HMGXB3: variants seen among roughly 807,000 people sequenced by gnomAD.
HMGXB3 encodes HMG domain-containing protein 3.
HMGXB3 carries 45 observed loss-of-function variants against 121.5 expected under a neutral mutation model. The observed-to-expected ratio is 0.37, with a 90% CI of 0.29 to 0.47. HMGXB3 has a LOEUF of 0.47. Among genes scored for constraint, HMGXB3 ranks in the 20% least tolerant of loss-of-function variants. The pLI, the probability that HMGXB3 is intolerant of heterozygous loss-of-function variation, is 0.99. For synonymous variants in HMGXB3, 590 were observed against 624.1 expected, an observed-to-expected ratio of 0.95 and a Z score of 0.81; for missense variants, 1,376 against 1,602.2, an observed-to-expected ratio of 0.86 and a Z score of 2.41.
At chr5:150,018,798 A>G (rs1237823184) in intron 6 of HMGXB3, 101 bp downstream of exon 6, 2 of 1,085,012 alleles carry the variant, frequency 1.8e-6, no homozygotes, top group Non-Finnish European at 2.6e-6. Flanking sequence ...ATTTGTTTTT[A>G]CTGTCTGACT....
rs1478441656 is a variant in HMGXB3, at chr5:150,024,537, T to G, written c.1317T>G (p.Thr439=). 1.3e-6 allele frequency: 2 copies of G among 1,551,710 alleles called. No individual in the cohort carries two copies. Among genetic ancestry groups the G allele is most frequent in the Non-Finnish European group, 1.7e-6 (2 of 1,146,996 alleles). The change falls in exon 7 of 20, where the codon ACT becomes ACG. Residue 439 remains threonine (T), a synonymous_variant. Coordinates refer to ENST00000502717, the MANE Select transcript of HMGXB3 (RefSeq NM_014983.3). ...CCGGGAATTGTGGTACAGCAGTCAC[T>G]AAGACGCCAGTCGTCAAAAGTGGTG... The part of the protein sequence containing the change: ...EAPGNCGTAV[T]KTPVVKSGVQ...
At chr5:150,011,149 C>A (rs542339169) in intron 4 of HMGXB3, among the ~76,000 whole-genome samples, 11 of 152,294 alleles carry the variant, frequency 7.2e-5, no homozygotes, top group African/African-American at 2.4e-4. Flanking sequence ...AATTTTCACA[C>A]AAGACCTGTA....
Position 150,052,066 on chromosome 5 carries a change from T to C in HMGXB3, c.3753T>C (p.Ile1251=), listed in dbSNP as rs373724652. The C allele has an allele frequency of 1.7e-5, 26 of 1,551,792 alleles. No homozygotes were observed. The highest frequency in any genetic ancestry group is 2.1e-5 in the Non-Finnish European group (24 of 1,147,050). The stretch of plus-strand genomic sequence containing the variant: ...TTGTCAATCGTCAGATCCATGACAT[T>C]GTACAGAGCTGCCAGCCTGGTGAGG... ...REIVNRQIHD[I]VQSCQPGEVV... Residue 1251 remains isoleucine, a synonymous_variant, in exon 20 of 20, where the codon ATT becomes ATC. Transcript: ENST00000502717.
intron 11 of HMGXB3, among the ~76,000 whole-genome samples, chr5:150,034,532 A>G (rs1223312214): frequency 6.6e-6 from 1 of 152,086 alleles, no homozygotes; most frequent in Non-Finnish European, 1.5e-5. Flanking sequence ...GACATAGGAA[A>G]TTATCTAGGG....
chr5:150,008,055 T>TCTCACACACA (rs1356226878), intron 3 of HMGXB3, among the ~76,000 whole-genome samples: 55 of 130,112 alleles, frequency 4.2e-4, no homozygotes, highest in African/African-American at 1.6e-3. Context: ...AGACTCTGTT[T>TCTCACACACA]CACACACACA....
chr5:150,050,513 G>T, intron 19 of HMGXB3, 52 bp downstream of exon 19: 1 of 1,397,072 alleles, frequency 7.2e-7, no homozygotes, highest in African/African-American at 1.4e-5. Flanking sequence ...ACCATGTCTT[G>T]CTCTGTCACC....
In HMGXB3 at chr5:150,052,363, T is replaced by C. The variant is rs1373655821; in HGVS notation, c.*171T>C. 3.2e-6 allele frequency: 2 copies of C among 619,564 alleles called. No individual in the cohort carries two copies. The highest frequency in any genetic ancestry group is 1.8e-5 in the African/African-American group (1 of 54,386). The allele number at this position is 619,564 out of a possible 1,614,324, so 38.4% of individuals were successfully genotyped here. On this transcript the variant is annotated 3_prime_UTR_variant, in exon 20 of 20. Transcript: ENST00000502717. ...CTGAGCATGGTGGGACCCAGGGTCCTCAGTTCTCAACCCTCCAGGGGTCAG... is the reference window on the plus strand; with the variant it reads ...CTGAGCATGGTGGGACCCAGGGTCCCCAGTTCTCAACCCTCCAGGGGTCAG...
chr5:150,035,056 T>A (rs1458877952), intron 11 of HMGXB3, among the ~76,000 whole-genome samples: 1 of 152,166 alleles, frequency 6.6e-6, no homozygotes, highest in Non-Finnish European at 1.5e-5. Flanking sequence ...TACAGTCTAG[T>A]GGGAGAGAAA....
intron 6 of HMGXB3, among the ~76,000 whole-genome samples, chr5:150,021,025 T>C (rs569918593): frequency 6.6e-6 from 1 of 152,278 alleles, no homozygotes; most frequent in East Asian, 1.9e-4. Flanking sequence ...GTGTGAGCCA[T>C]GGTGCCCAGC....
intron 15 of HMGXB3, among the ~76,000 whole-genome samples, chr5:150,042,878 A>T (rs777345310): frequency 6.6e-6 from 1 of 152,248 alleles, no homozygotes; most frequent in Non-Finnish European, 1.5e-5. Context: ...AAAAGTGGGC[A>T]TGTTTCCCCA....
At chr5:150,018,888 C>T (rs1368122671) in intron 6 of HMGXB3, among the ~76,000 whole-genome samples, 191 bp downstream of exon 6, 3 of 152,182 alleles carry the variant, frequency 2.0e-5, no homozygotes, top group Non-Finnish European at 4.4e-5. Context: ...TATCCAAACT[C>T]ATATACCATC....
chr5:150,049,114 C>T (rs994498082), intron 18 of HMGXB3, among the ~76,000 whole-genome samples: 8 of 152,136 alleles, frequency 5.3e-5, no homozygotes, highest in African/African-American at 1.9e-4. Context: ...TAGGGAGGAG[C>T]CCATTGGTAA....
chr5:150,045,819 A>G, intron 16 of HMGXB3, 134 bp downstream of exon 16: 1 of 681,536 alleles, frequency 1.5e-6, no homozygotes. Context: ...GAAAGATAAT[A>G]ACAGCCCGTG....
At chr5:150,042,486 A>G (rs956595195) in intron 15 of HMGXB3, among the ~76,000 whole-genome samples, 2 of 152,120 alleles carry the variant, frequency 1.3e-5, no homozygotes, top group Non-Finnish European at 2.9e-5. Flanking sequence ...TCTGAAACCC[A>G]TGTGGCTTTG....
chr5:150,028,424 GTA>G (rs1183948316), intron 9 of HMGXB3, among the ~76,000 whole-genome samples: 24 of 127,840 alleles, frequency 1.9e-4, no homozygotes, highest in African/African-American at 2.9e-4. Context: ...ATATATATAT[GTA>G]TATATATATA....
intron 1 of HMGXB3, among the ~76,000 whole-genome samples, chr5:150,002,421 G>A (rs1316521281): frequency 2.0e-5 from 3 of 152,310 alleles, no homozygotes; most frequent in South Asian, 2.1e-4. Context: ...GACTCCACAT[G>A]CAGTGCTCAT....
intron 5 of HMGXB3, chr5:150,014,903 G>C: frequency 1.3e-6 from 1 of 762,870 alleles, no homozygotes; most frequent in East Asian, 3.3e-5. Context: ...TGTTTCTTCA[G>C]CACCTTCGCT....
intron 14 of HMGXB3, 98 bp from the exon 15 acceptor site, chr5:150,041,687 G>A (rs764254605): frequency 6.6e-5 from 56 of 854,002 alleles, no homozygotes; most frequent in Non-Finnish European, 1.6e-5. Context: ...AGGTGAATCA[G>A]TCTGGCAGAA....
At chr5:150,028,559 A>ATATTTT (rs1375655538) in intron 9 of HMGXB3, among the ~76,000 whole-genome samples, 1 of 38,894 alleles carries the variant, frequency 2.6e-5, no homozygotes, top group Non-Finnish European at 4.7e-5. Flanking sequence ...ATATATATAT[A>ATATTTT]TTTTTTTTTT....
Sources: gnomAD v4.1 joint callset for allele counts (sites outside exome capture counted in the v4.1 genomes callset) on GRCh38, gnomAD v4.1.1 for gene constraint, MANE v1.5 for transcripts, NCBI Gene and HGNC (gene_info 2026-07-23, HGNC 2026-07-21) for gene names.